Variants in SMARCE1 observed in about 807,000 individuals in gnomAD.
SMARCE1 encodes SWI/SNF related BAF chromatin remodeling complex subunit E1, also known as SWI/SNF-related matrix-associated actin-dependent regulator of chromatin subfamily E member 1.
A neutral mutation model predicts 54.9 loss-of-function variants in SMARCE1; 13 were observed. The observed-to-expected ratio is 0.24, with a 90% confidence interval of 0.15 to 0.38. The LOEUF (loss-of-function observed/expected upper bound fraction) is 0.38, where lower values mean the gene tolerates loss of function less well. SMARCE1 is among the 10% of genes least tolerant of loss of function. The pLI is 1.00. For missense variants in SMARCE1, 295 were observed against 523.8 expected (o/e 0.56, Z 4.26); for synonymous variants, 151 against 175.3 (o/e 0.86, Z 1.10).
intron 7 of SMARCE1, chr17:40,634,453 C>T (rs1384819508): frequency 6.6e-6 from 1 of 152,222 alleles, no homozygotes; most frequent in African/African-American, 2.4e-5. Flanking sequence ...TTTGATAGTC[C>T]TCTGTTAAAG....
chr17:40,639,625 CA>C (rs2037178268), intron 4 of SMARCE1, among the ~76,000 whole-genome samples: 1 of 152,056 alleles, frequency 6.6e-6, no homozygotes, highest in Admixed American at 6.5e-5. Flanking sequence ...CAACTTACAA[CA>C]ACAACAACAA....
rs1361091926 is a variant in SMARCE1, at chr17:40,627,619, A to G, written c.*1166T>C. ...TGAGTACACAAATTTATAATGGCTG[A>G]GTGGTCATTCCACACTGTCACTGCA... On this transcript the variant is annotated 3_prime_UTR_variant, in exon 11 of 11. Coordinates refer to ENST00000348513, the MANE Select transcript of SMARCE1 (RefSeq NM_003079.5). 2 of 152,626 alleles carry G rather than the reference A, an allele frequency of 1.3e-5. No individual in the cohort carries two copies. The highest frequency in any genetic ancestry group is 2.9e-5 in the Non-Finnish European group (2 of 68,036). 9.5% of individuals were successfully genotyped at this position (152,626 alleles called of 1,614,324 possible).
Position 40,628,709 on chromosome 17 carries a change from C to G in SMARCE1, c.*76G>C. ...ACAAGAAAAAAAATTAATACACAAACCACGTAACACCATTAAAACCAAAAA... is the reference window on the plus strand; with the variant it reads ...ACAAGAAAAAAAATTAATACACAAAGCACGTAACACCATTAAAACCAAAAA... On this transcript the variant is annotated 3_prime_UTR_variant, in exon 11 of 11. Coordinates refer to ENST00000348513, the MANE Select transcript of SMARCE1 (RefSeq NM_003079.5). 8.3e-7 allele frequency: 1 copy of G among 1,212,072 alleles called. No individual in the cohort carries two copies. Among genetic ancestry groups the G allele is most frequent in the Non-Finnish European group, 1.2e-6 (1 of 834,682 alleles). The allele number at this position is 1,212,072 out of a possible 1,614,324, so 75.1% of individuals were successfully genotyped here.
At position 40,637,592 on chromosome 17, in the gene SMARCE1, A is replaced by G; in HGVS notation, c.157-20T>C. On this transcript the variant is annotated intron_variant, in intron 4 of 10. Transcript: ENST00000348513. ...GGATGCCTACGAAAGAGTTAAATAC[A>G]TTCATTATTCAACTGTAAGGAGTTC... 1 of 1,585,640 alleles carries G rather than the reference A, an allele frequency of 6.3e-7. No individual in the cohort carries two copies. Among genetic ancestry groups the G allele is most frequent in the Non-Finnish European group, 8.7e-7 (1 of 1,154,370 alleles).
At chr17:40,637,388 TGAATATGCACAGAAAAGCTGGCTAAGCC>T in intron 5 of SMARCE1, 76 bp downstream of exon 5, 1 of 932,300 alleles carries the variant, frequency 1.1e-6, no homozygotes, top group Non-Finnish European at 1.8e-6. Context: ...ACCTTTCCTC[TGAATATGCACAGAAAAGCTGGCTAAGCC>T]GATCTAAAGT....
chr17:40,631,767 T>C, intron 8 of SMARCE1, 74 bp from the exon 9 acceptor site: 2 of 828,208 alleles, frequency 2.4e-6, no homozygotes, highest in South Asian at 2.9e-5. Flanking sequence ...GTGTACCAAA[T>C]AATGTTTTGA....
At position 40,642,290 on chromosome 17, in the gene SMARCE1, T is replaced by G; in HGVS notation, c.156+165A>C. 2 of 679,046 alleles carry G rather than the reference T, an allele frequency of 2.9e-6. No individual in the cohort carries two copies. Among genetic ancestry groups the G allele is most frequent in the South Asian group, 1.6e-5 (1 of 63,098 alleles). 42.1% of individuals were successfully genotyped at this position (679,046 alleles called of 1,614,324 possible). ...ATACATTCCAGATCTCACTATTTAT[T>G]TTTTCAGTGTGAGATGCTACAACGA... On this transcript the variant is annotated intron_variant, in intron 4 of 10. Coordinates refer to ENST00000348513, the MANE Select transcript of SMARCE1 (RefSeq NM_003079.5). This position sits in a 1 kb window ranked among gnomAD's most constrained non-coding sequence, Gnocchi z 4.6.
rs2037040677 is a variant in SMARCE1, at chr17:40,626,865, A to AACAAAAAAAAAAAAAAAAAAAAAGC, written c.*1919_*1920insGCTTTTTTTTTTTTTTTTTTTTTGT. On this transcript the variant is annotated 3_prime_UTR_variant, in exon 11 of 11. Coordinates refer to ENST00000348513, the MANE Select transcript of SMARCE1 (RefSeq NM_003079.5). ...ACTCCAACCTGGGCGACAGATTGAG[A>AACAAAAAAAAAAAAAAAAAAAAAGC]CGTCTCCCATCTGACTTAATTCCCT... 8.5e-6 allele frequency: 1 copy of AACAAAAAAAAAAAAAAAAAAAAAGC among 118,140 alleles called. No homozygotes were observed. The highest frequency in any genetic ancestry group is 3.5e-5 in the African/African-American group (1 of 28,332). 7.3% of individuals were successfully genotyped at this position (118,140 alleles called of 1,614,324 possible). A position where few individuals can be genotyped will look rare whatever the true frequency, so the allele number is the denominator to read the frequency against.
At chr17:40,639,944 G>C (rs1597748130) in intron 4 of SMARCE1, 1 of 152,080 alleles carries the variant, frequency 6.6e-6, no homozygotes, top group African/African-American at 2.4e-5. Context: ...TTCCATTTTT[G>C]AACTGTTTCT....
At chr17:40,631,785 A>G (rs963351025) in intron 8 of SMARCE1, 92 bp from the exon 9 acceptor site, 11 of 732,704 alleles carry the variant, frequency 1.5e-5, no homozygotes, top group Admixed American at 1.1e-4. Context: ...TGAACTTTAG[A>G]TCATTTATCA....
chr17:40,643,319 T>C (rs1403313402), intron 3 of SMARCE1: 1 of 152,228 alleles, frequency 6.6e-6, no homozygotes, highest in Non-Finnish European at 1.5e-5. Context: ...ATGAAAACAT[T>C]TCTGCATTTT....
In SMARCE1 at chr17:40,633,874, C is replaced by T. The variant is rs946790869; in HGVS notation, c.542-1507G>A. The T allele has an allele frequency of 3.3e-5, 5 of 152,116 alleles. No individual in the cohort carries two copies. In the South Asian group the frequency reaches 6.2e-4, roughly 19 times the overall value. 9.4% of individuals were successfully genotyped at this position (152,116 alleles called of 1,614,324 possible). ...TATGGTACATCTGTGCTACATCTGT[C>T]TAAGTTATCTGTTTTTGTTGTTAGC... On this transcript the variant is annotated intron_variant, in intron 7 of 10. Transcript: ENST00000348513.
At chr17:40,631,479 C>A in intron 9 of SMARCE1, 113 bp downstream of exon 9, 2 of 609,608 alleles carry the variant, frequency 3.3e-6, no homozygotes, top group South Asian at 2.2e-5. Context: ...TAAAGTTAGC[C>A]CTGTTTCAAA....
intron 4 of SMARCE1, chr17:40,641,091 G>A (rs1316898425): frequency 6.6e-6 from 1 of 152,156 alleles, no homozygotes; most frequent in Non-Finnish European, 1.5e-5. Flanking sequence ...GCTATTAAAT[G>A]CAATCATTCT....
At chr17:40,631,778 A>C in intron 8 of SMARCE1, 85 bp from the exon 9 acceptor site, 1 of 762,202 alleles carries the variant, frequency 1.3e-6, no homozygotes, top group South Asian at 1.6e-5. Flanking sequence ...AATGTTTTGA[A>C]CTTTAGATCA....
intron 10 of SMARCE1, chr17:40,629,431 A>T: frequency 1.4e-6 from 1 of 720,380 alleles, no homozygotes; most frequent in Non-Finnish European, 1.9e-6. Context: ...ATTTCACGTG[A>T]CTTGCATTTT....
chr17:40,645,450 T>C, intron 3 of SMARCE1, 126 bp downstream of exon 3: 1 of 553,748 alleles, frequency 1.8e-6, no homozygotes, highest in Non-Finnish European at 3.2e-6. Context: ...GTGCTTTTTT[T>C]TTTTTCTTTT....
chr17:40,638,930 G>A (rs1366235368), intron 4 of SMARCE1, among the ~76,000 whole-genome samples: 1 of 152,128 alleles, frequency 6.6e-6, no homozygotes, highest in African/African-American at 2.4e-5. Flanking sequence ...GCATGTTTGT[G>A]TCCTTTTCCA....
chr17:40,637,303 A>C (rs2037156129), intron 5 of SMARCE1, 189 bp downstream of exon 5: 1 of 616,276 alleles, frequency 1.6e-6, no homozygotes, highest in Non-Finnish European at 2.9e-6. Flanking sequence ...TTATTTAATC[A>C]CGCTCCTCTT....
Sources: allele counts gnomAD v4.1 joint callset (sites outside exome capture counted in the v4.1 genomes callset), GRCh38; gene constraint gnomAD v4.1.1; non-coding constraint Gnocchi (gnomAD v3.1); transcripts MANE v1.5; gene names NCBI Gene and HGNC (gene_info 2026-07-23, HGNC 2026-07-21).